The following OPCML variants were observed in gnomAD, a reference collection of about 807,000 sequenced individuals.
The protein encoded by OPCML is opioid binding protein/cell adhesion molecule like.
A neutral mutation model predicts 37.8 loss-of-function variants in OPCML; 13 were observed. The ratio of observed to expected loss-of-function variants is 0.34; its 90% confidence interval spans 0.22 to 0.55. The LOEUF is 0.55. OPCML is among the 20% of genes least tolerant of loss of function. OPCML has a pLI of 0.91. For synonymous variants in OPCML, 176 were observed against 168.8 expected, an observed-to-expected ratio of 1.04 and a Z score of -0.33; for missense variants, 341 against 435.6, an observed-to-expected ratio of 0.78 and a Z score of 1.93.
chr11:132,725,446 C>G (rs982837869), intron 2 of OPCML, among the ~76,000 whole-genome samples: 2 of 152,236 alleles, frequency 1.3e-5, no homozygotes, highest in East Asian at 3.9e-4. Context: ...GCCTCTGGGA[C>G]TGTAATGGGA....
intron 3 of OPCML, among the ~76,000 whole-genome samples, chr11:132,558,478 TCCACTC>T (rs1373666117): frequency 6.1e-5 from 1 of 16,378 alleles, no homozygotes; most frequent in African/African-American, 4.0e-4. Flanking sequence ...CCTGTCCTCC[TCCACTC>T]CTCCTCCTCC....
intron 1 of OPCML, among the ~76,000 whole-genome samples, chr11:133,278,953 G>T (rs1160617941): frequency 6.6e-6 from 1 of 152,182 alleles, no homozygotes; most frequent in African/African-American, 2.4e-5. Context: ...GAGGAGAAGA[G>T]GAATTACATC....
intron 1 of OPCML, among the ~76,000 whole-genome samples, chr11:133,384,247 CA>C (rs1186998875): frequency 1.5e-4 from 11 of 71,248 alleles, no homozygotes; most frequent in African/African-American, 2.3e-4. Flanking sequence ...GGCCACTGTG[CA>C]AAAAAAAAAA....
intron 2 of OPCML, among the ~76,000 whole-genome samples, chr11:132,941,765 G>C (rs1945585455): frequency 2.6e-5 from 4 of 152,188 alleles, no homozygotes; most frequent in Admixed American, 2.0e-4. Flanking sequence ...ATCCAGCTAA[G>C]TATCACCCAA....
chr11:132,432,466 G>A (rs2096000444), intron 7 of OPCML, among the ~76,000 whole-genome samples: 1 of 152,124 alleles, frequency 6.6e-6, no homozygotes, highest in South Asian at 2.1e-4. Context: ...TATCCAAAAT[G>A]CCTTCACTGA....
chr11:132,699,129 G>T (rs1330055388), intron 2 of OPCML, among the ~76,000 whole-genome samples: 1 of 151,636 alleles, frequency 6.6e-6, no homozygotes, highest in Admixed American at 6.6e-5. Context: ...TTGTAAATGG[G>T]ACTGTTGTTT....
At chr11:133,097,056 T>C (rs1395304445) in intron 1 of OPCML, among the ~76,000 whole-genome samples, 1 of 152,176 alleles carries the variant, frequency 6.6e-6, no homozygotes, top group Non-Finnish European at 1.5e-5. Context: ...TAGATATAAT[T>C]GAAATCTATA....
chr11:133,381,036 T>C (rs1348719525), intron 1 of OPCML, among the ~76,000 whole-genome samples: 1 of 152,238 alleles, frequency 6.6e-6, no homozygotes, highest in African/African-American at 2.4e-5. Context: ...AAATGTGTGC[T>C]ACACCCAGAG....
At chr11:132,617,564 A>G (rs1325462384) in intron 3 of OPCML, among the ~76,000 whole-genome samples, 1 of 152,224 alleles carries the variant, frequency 6.6e-6, no homozygotes, top group Non-Finnish European at 1.5e-5. Context: ...TTCTGTAGCC[A>G]ATGATACTGT....
chr11:132,438,562 T>C (rs956532679), intron 4 of OPCML, among the ~76,000 whole-genome samples: 1 of 147,360 alleles, frequency 6.8e-6, no homozygotes, highest in Non-Finnish European at 1.5e-5. Context: ...GTGTATAGGG[T>C]GGGCAGCAGG....
At chr11:133,493,717 G>A (rs1489404458) in intron 1 of OPCML, among the ~76,000 whole-genome samples, 2 of 152,146 alleles carry the variant, frequency 1.3e-5, no homozygotes, top group East Asian at 1.9e-4. Context: ...GTGTCAAAGA[G>A]TATGCATAAT....
chr11:133,118,363 C>A (rs1038818620), intron 1 of OPCML: 1 of 985,250 alleles, frequency 1.0e-6, no homozygotes, highest in African/African-American at 1.7e-5. Flanking sequence ...GGTTGTTTAA[C>A]GGTGAGAGTT....
At chr11:132,605,998 T>G (rs1243701454) in intron 3 of OPCML, among the ~76,000 whole-genome samples, 1 of 152,196 alleles carries the variant, frequency 6.6e-6, no homozygotes, top group East Asian at 1.9e-4. Flanking sequence ...TACTTTTGAG[T>G]TACCCTTGGC....
rs564028571 is a variant in OPCML at position 133,232,774 on chromosome 11, G to A, written c.62-289764C>T. Among the ~76,000 whole-genome samples the A allele has an allele frequency of 2.0e-5, 3 of 152,320 alleles. No homozygotes were observed. The South Asian group carries it at 6.2e-4, about 32-fold the overall frequency. The stretch of plus-strand genomic sequence containing the variant: ...AATAGGAGAGAAAAAGTGGGGGAAA[G>A]AGGAGGGGAAAAGCGACCCTCACCA... On this transcript the variant is annotated intron_variant, in intron 1 of 7. Coordinates refer to ENST00000524381, the MANE Select transcript of OPCML (RefSeq NM_001012393.5).
intron 1 of OPCML, among the ~76,000 whole-genome samples, chr11:133,323,494 C>A (rs1943380734): frequency 6.6e-6 from 1 of 152,046 alleles, no homozygotes. Flanking sequence ...CAGAGAAAAG[C>A]AGCTGTCCTG....
chr11:133,090,957 T>C (rs1948896512), intron 1 of OPCML, among the ~76,000 whole-genome samples: 1 of 152,164 alleles, frequency 6.6e-6, no homozygotes, highest in South Asian at 2.1e-4. Context: ...ATTTCAGAGA[T>C]TATCAGTGAT....
chr11:132,717,056 TATA>T (rs1944520339), intron 2 of OPCML, among the ~76,000 whole-genome samples: 1 of 152,158 alleles, frequency 6.6e-6, no homozygotes. Context: ...ACATGTATCA[TATA>T]ATAATAAATA....
chr11:132,470,414 CACTGAG>C (rs1353285678), intron 4 of OPCML, among the ~76,000 whole-genome samples: 1 of 152,110 alleles, frequency 6.6e-6, no homozygotes, highest in East Asian at 1.9e-4. Flanking sequence ...CCGTGTCAGT[CACTGAG>C]ACTGAGTGAA....
At chr11:132,873,636 C>T (rs1240207441) in intron 2 of OPCML, among the ~76,000 whole-genome samples, 1 of 147,794 alleles carries the variant, frequency 6.8e-6, no homozygotes, top group African/African-American at 2.5e-5. Context: ...AGGAATAAAG[C>T]TAATATGAAG....
Sources: gnomAD v4.1 joint callset for allele counts (sites outside exome capture counted in the v4.1 genomes callset) on GRCh38, gnomAD v4.1.1 for gene constraint, MANE v1.5 for transcripts, NCBI Gene and HGNC (gene_info 2026-07-23, HGNC 2026-07-21) for gene names.